The following IMMP2L variants were observed in gnomAD, a reference collection of about 807,000 sequenced individuals.
IMMP2L encodes mitochondrial inner membrane protease subunit 2.
In IMMP2L, 18 loss-of-function variants were observed where a neutral mutation model predicts 19.3. The ratio of observed to expected loss-of-function variants is 0.93; its 90% confidence interval spans 0.64 to 1.38. The LOEUF (loss-of-function observed/expected upper bound fraction) is 1.38. Among genes scored for constraint, IMMP2L ranks in the 40% most tolerant of loss-of-function variants. IMMP2L has a pLI of 0.00. For synonymous variants in IMMP2L, 76 were observed against 73.0 expected, an observed-to-expected ratio of 1.04 and a Z score of -0.21; for missense variants, 233 against 218.2, an observed-to-expected ratio of 1.07 and a Z score of -0.43.
At chr7:111,557,037 T>G (rs1397596243) in intron 1 of IMMP2L, among the ~76,000 whole-genome samples, 3 of 152,180 alleles carry the variant, frequency 2.0e-5, no homozygotes, top group African/African-American at 7.2e-5. Flanking sequence ...TCTAACATTC[T>G]CCCTCTCCCA....
chr7:110,832,975 A>G (rs561681413), intron 5 of IMMP2L, among the ~76,000 whole-genome samples: 2 of 152,282 alleles, frequency 1.3e-5, no homozygotes, highest in Non-Finnish European at 2.9e-5. Context: ...TGGGAACTCT[A>G]CTGGTGATCA....
chr7:111,343,324 T>C (rs1827213584), intron 3 of IMMP2L, among the ~76,000 whole-genome samples: 1 of 152,100 alleles, frequency 6.6e-6, no homozygotes, highest in Non-Finnish European at 1.5e-5. Context: ...TTTTCCTTTC[T>C]CTAGTCTCTC....
chr7:111,286,569 A>G (rs560174145), intron 3 of IMMP2L, among the ~76,000 whole-genome samples: 2 of 152,324 alleles, frequency 1.3e-5, no homozygotes, highest in Admixed American at 1.3e-4. Context: ...TGCAAATATT[A>G]TCATAGAGAC....
chr7:110,909,654 G>A (rs1204341824), intron 4 of IMMP2L, among the ~76,000 whole-genome samples: 1 of 152,050 alleles, frequency 6.6e-6, no homozygotes, highest in Non-Finnish European at 1.5e-5. Flanking sequence ...ACTCTCTGGG[G>A]TTAACAAAAA....
At chr7:110,995,463 G>A (rs1284042822) in intron 3 of IMMP2L, among the ~76,000 whole-genome samples, 1 of 152,152 alleles carries the variant, frequency 6.6e-6, no homozygotes, top group Non-Finnish European at 1.5e-5. Context: ...TCGAAGTGAT[G>A]AGAGACACAG....
chr7:111,047,996 T>G (rs1792578550), intron 3 of IMMP2L, among the ~76,000 whole-genome samples: 1 of 151,594 alleles, frequency 6.6e-6, no homozygotes, highest in African/African-American at 2.4e-5. Context: ...TCCCAGCACT[T>G]TGGGAGGCCG....
At chr7:111,458,703 C>T (rs1034127470) in intron 3 of IMMP2L, among the ~76,000 whole-genome samples, 2 of 152,070 alleles carry the variant, frequency 1.3e-5, no homozygotes, top group Non-Finnish European at 2.9e-5. Flanking sequence ...CTATATTCTC[C>T]TTCATCTTGA....
intron 5 of IMMP2L, among the ~76,000 whole-genome samples, chr7:110,696,931 G>A (rs891760206): frequency 1.3e-5 from 2 of 152,148 alleles, no homozygotes; most frequent in African/African-American, 4.8e-5. Context: ...CCAGGTGGAG[G>A]GCTCAATAAA....
chr7:111,282,837 C>T (rs1391450925), intron 3 of IMMP2L, among the ~76,000 whole-genome samples: 1 of 152,136 alleles, frequency 6.6e-6, no homozygotes, highest in Admixed American at 6.6e-5. Context: ...ACCCCCTCGG[C>T]CTCCCTAAGT....
At position 110,831,524 on chromosome 7, in the gene IMMP2L, T is replaced by C. The variant is rs1803970002; in HGVS notation, c.408+55069A>G. ...ACAAATTATTGGCCTTTCAAACGTA[T>C]CTTGTTATAGCCCCTAAAATATGCT... On this transcript the variant is annotated intron_variant, in intron 5 of 5. Coordinates refer to ENST00000405709, the MANE Select transcript of IMMP2L (RefSeq NM_032549.4). Among the ~76,000 whole-genome samples the C allele has an allele frequency of 4.6e-5, 7 of 152,168 alleles. No individual in the cohort carries two copies. The South Asian group carries it at 1.4e-3, about 32-fold the overall frequency.
chr7:111,542,423 T>TA (rs1848577880), intron 1 of IMMP2L, among the ~76,000 whole-genome samples: 2 of 152,144 alleles, frequency 1.3e-5, no homozygotes, highest in African/African-American at 4.8e-5. Flanking sequence ...ACCTTATTTT[T>TA]ATCCCCATTT....
chr7:110,910,923 T>C (rs1232451232), intron 4 of IMMP2L, among the ~76,000 whole-genome samples: 1 of 152,130 alleles, frequency 6.6e-6, no homozygotes, highest in East Asian at 1.9e-4. Context: ...ATATTCTCCC[T>C]GTATGTTAAT....
chr7:111,314,017 AGT>A (rs1341081213), intron 3 of IMMP2L, among the ~76,000 whole-genome samples: 2 of 152,204 alleles, frequency 1.3e-5, no homozygotes, highest in East Asian at 3.9e-4. Flanking sequence ...TGCTGTGTGA[AGT>A]GCCTGTTCCC....
chr7:110,821,783 C>T (rs187454443), intron 5 of IMMP2L, among the ~76,000 whole-genome samples: 60 of 151,974 alleles, frequency 3.9e-4, no homozygotes, highest in Middle Eastern at 3.4e-3. Context: ...ATTACCTGGG[C>T]GTGGTGGCGC....
At chr7:111,403,920 T>A (rs1054537302) in intron 3 of IMMP2L, among the ~76,000 whole-genome samples, 1 of 151,664 alleles carries the variant, frequency 6.6e-6, no homozygotes, top group Non-Finnish European at 1.5e-5. Context: ...TTTGAAAGGT[T>A]TGTGTTTATT....
chr7:110,697,358 T>G (rs555555034), intron 5 of IMMP2L, among the ~76,000 whole-genome samples: 2 of 152,176 alleles, frequency 1.3e-5, no homozygotes, highest in Admixed American at 1.3e-4. Flanking sequence ...CTAAAAAATA[T>G]TAACTTTATA....
intron 5 of IMMP2L, among the ~76,000 whole-genome samples, chr7:110,700,965 A>G (rs1306279264): frequency 6.6e-6 from 1 of 152,158 alleles, no homozygotes; most frequent in Non-Finnish European, 1.5e-5. Flanking sequence ...CATTTTATAG[A>G]TTTTGCAACA....
chr7:111,217,124 T>TCACACACACACA (rs1281616330), intron 3 of IMMP2L, among the ~76,000 whole-genome samples: 3 of 102,728 alleles, frequency 2.9e-5, no homozygotes, highest in African/African-American at 9.9e-5. Flanking sequence ...TCTCTCTCTC[T>TCACACACACACA]CTCACACACA....
chr7:111,481,486 T>C (rs995813978), intron 3 of IMMP2L, among the ~76,000 whole-genome samples: 1 of 152,154 alleles, frequency 6.6e-6, no homozygotes, highest in Non-Finnish European at 1.5e-5. Context: ...GGGATAACAA[T>C]ACCTACTTTA....
Sources: gnomAD v4.1 joint callset for allele counts (sites outside exome capture counted in the v4.1 genomes callset) on GRCh38, gnomAD v4.1.1 for gene constraint, MANE v1.5 for transcripts, NCBI Gene and HGNC (gene_info 2026-07-23, HGNC 2026-07-21) for gene names.